The following TRAPPC9 variants were observed in gnomAD, a reference collection of about 807,000 sequenced individuals.
TRAPPC9 encodes trafficking protein particle complex subunit 9, also known as IKK2 binding protein.
In TRAPPC9, 83 loss-of-function variants were observed where a neutral mutation model predicts 124.0. The observed-to-expected ratio is 0.67, with a 90% confidence interval of 0.56 to 0.80. The LOEUF (loss-of-function observed/expected upper bound fraction) is 0.80. Ranked by LOEUF, TRAPPC9 falls within the 30% of genes least tolerant of loss-of-function variation. The pLI is 0.00. For missense variants in TRAPPC9, 1,302 were observed against 1,508.3 expected (o/e 0.86, Z 2.27); for synonymous variants, 638 against 617.5 (o/e 1.03, Z -0.49).
At chr8:140,048,228 C>T (rs1397332180) in intron 17 of TRAPPC9, among the ~76,000 whole-genome samples, 3 of 152,212 alleles carry the variant, frequency 2.0e-5, no homozygotes, top group African/African-American at 7.2e-5. Flanking sequence ...CTTCACAAGG[C>T]TGTTGTAAGG....
At chr8:140,409,514 G>A (rs1184421680) in intron 5 of TRAPPC9, among the ~76,000 whole-genome samples, 1 of 152,154 alleles carries the variant, frequency 6.6e-6, no homozygotes, top group African/African-American at 2.4e-5. Flanking sequence ...GTGATTTGCT[G>A]ATATATTATC....
intron 9 of TRAPPC9, among the ~76,000 whole-genome samples, chr8:140,354,489 C>T (rs146544797): frequency 1.2e-4 from 18 of 152,276 alleles, no homozygotes; most frequent in Middle Eastern, 3.4e-3. Context: ...GCCCTAATAA[C>T]GTATCTTGTA....
At chr8:140,134,893 C>G (rs981417594) in intron 17 of TRAPPC9, among the ~76,000 whole-genome samples, 1 of 151,974 alleles carries the variant, frequency 6.6e-6, no homozygotes, top group African/African-American at 2.4e-5. Context: ...GTCTACAGAA[C>G]GGGAGAAAAT....
At chr8:140,303,601 T>C (rs192843092) in intron 10 of TRAPPC9, among the ~76,000 whole-genome samples, 2 of 152,366 alleles carry the variant, frequency 1.3e-5, no homozygotes, top group East Asian at 3.9e-4. Context: ...GCTTGGCCAC[T>C]ACCATCTCTT....
At chr8:140,236,144 G>A (rs1020176436) in intron 16 of TRAPPC9, among the ~76,000 whole-genome samples, 3 of 147,248 alleles carry the variant, frequency 2.0e-5, no homozygotes, top group Non-Finnish European at 4.4e-5. Flanking sequence ...GTGCTGTGGC[G>A]TGATCTTGGC....
intron 7 of TRAPPC9, among the ~76,000 whole-genome samples, chr8:140,379,288 G>C (rs1035995819): frequency 1.3e-5 from 2 of 152,042 alleles, no homozygotes; most frequent in Admixed American, 1.3e-4. Context: ...GTGCTGCCTG[G>C]GGCCGGAGGA....
chr8:140,197,337 C>G (rs920956149), intron 17 of TRAPPC9, among the ~76,000 whole-genome samples: 12 of 152,208 alleles, frequency 7.9e-5, no homozygotes, highest in African/African-American at 2.2e-4. Context: ...CACACAAATC[C>G]TTTCTTCACT....
Position 140,283,991 on chromosome 8 carries a change from C to T in TRAPPC9, c.2012G>A (p.Ser671Asn). 6.2e-7 allele frequency: 1 copy of T among 1,614,150 alleles called. No homozygotes were observed. Among genetic ancestry groups the T allele is most frequent in the Non-Finnish European group, 8.5e-7 (1 of 1,180,014 alleles). Reference sequence around the variant, plus strand: ...CGGCAGGTTATCCAGCAAACAGTCACTGAACACACCGAAGACCGTGGTATG... The same window carrying T: ...CGGCAGGTTATCCAGCAAACAGTCATTGAACACACCGAAGACCGTGGTATG... ...GYHTTVFGVF[S>N]DCLLDNLPGI... The change falls in exon 14 of 23, where the codon AGT becomes AAT. Residue 671 changes from serine (S) to asparagine (N), a missense_variant. Ser to Asn is a conservative substitution (Grantham distance 46). This residue lies in a region of TRAPPC9 where 640 missense variants were observed against 679.3 expected (regional missense o/e 0.94). Coordinates refer to ENST00000438773, the MANE Select transcript of TRAPPC9 (RefSeq NM_001160372.4).
At chr8:140,272,370 G>T (rs989074446) in intron 15 of TRAPPC9, among the ~76,000 whole-genome samples, 2 of 81,464 alleles carry the variant, frequency 2.5e-5, no homozygotes, top group Non-Finnish European at 5.0e-5. Context: ...GTGGTAGTGA[G>T]GGTGGTGGTG....
At chr8:139,791,696 A>G (rs1412700921) in intron 21 of TRAPPC9, among the ~76,000 whole-genome samples, 3 of 152,204 alleles carry the variant, frequency 2.0e-5, no homozygotes, top group Non-Finnish European at 2.9e-5. Flanking sequence ...TTGGCGCTAC[A>G]GTCAAGGCAG....
chr8:139,864,293 G>A (rs984929950), intron 21 of TRAPPC9, among the ~76,000 whole-genome samples: 6 of 152,068 alleles, frequency 3.9e-5, no homozygotes, highest in African/African-American at 1.5e-4. Context: ...TTCCACGTCC[G>A]TCCTTCAATG....
intron 20 of TRAPPC9, among the ~76,000 whole-genome samples, chr8:139,901,000 A>AT (rs1830983028): frequency 4.4e-5 from 5 of 112,496 alleles, no homozygotes; most frequent in Admixed American, 4.3e-4. Flanking sequence ...AAATAAATAA[A>AT]TAAAATAAAT....
rs572209886 is a variant in TRAPPC9 at position 140,263,978 on chromosome 8, C to T, written c.2279-11049G>A. On this transcript the variant is annotated intron_variant, in intron 15 of 22. Transcript: ENST00000438773. ...AGATCAGAGGAACTGAATCCTTTCC[C>T]CCGCTCCCCAAGACACTCCACTCTA... 3.4e-4 allele frequency among the ~76,000 whole-genome samples: 52 copies of T among 152,218 alleles called. 1 individual carries two copies. The South Asian group carries it at 1.0e-2, about 29-fold the overall frequency.
At chr8:140,373,182 C>A (rs1338568737) in intron 7 of TRAPPC9, among the ~76,000 whole-genome samples, 2 of 152,236 alleles carry the variant, frequency 1.3e-5, no homozygotes, top group Non-Finnish European at 2.9e-5. Flanking sequence ...CCCCTGGGGG[C>A]CTCCATGCTA....
chr8:140,242,783 ACAGT>A (rs2063890464), intron 16 of TRAPPC9, among the ~76,000 whole-genome samples: 1 of 152,248 alleles, frequency 6.6e-6, no homozygotes, highest in African/African-American at 2.4e-5. Flanking sequence ...AGAGTCGGGA[ACAGT>A]CAGTGTGGCA....
intron 17 of TRAPPC9, among the ~76,000 whole-genome samples, chr8:140,190,704 T>C (rs1380651986): frequency 6.6e-6 from 1 of 152,186 alleles, no homozygotes; most frequent in Non-Finnish European, 1.5e-5. Flanking sequence ...TAGCTTCTTC[T>C]CCGCCATGGC....
At chr8:139,922,197 T>G (rs62526980) in intron 19 of TRAPPC9, among the ~76,000 whole-genome samples, 1 of 147,742 alleles carries the variant, frequency 6.8e-6, no homozygotes, top group African/African-American at 2.5e-5. Context: ...TTTTTTTTTT[T>G]GGATGGAGTC....
intron 21 of TRAPPC9, among the ~76,000 whole-genome samples, chr8:139,801,007 C>A (rs1364270372): frequency 6.8e-6 from 1 of 148,130 alleles, no homozygotes; most frequent in East Asian, 2.1e-4. Flanking sequence ...ACCTTCCCTC[C>A]CTCCGGCATC....
Position 140,284,050 on chromosome 8 carries a change from C to G in TRAPPC9, c.1982-29G>C, listed in dbSNP as rs780062048. ...GAATAGAAAAGGAACTTCTTCACTC[C>G]ACTGGCAAGGCTTTGGGTCTCACGC... On this transcript the variant is annotated intron_variant, in intron 13 of 22. Coordinates refer to ENST00000438773, the MANE Select transcript of TRAPPC9 (RefSeq NM_001160372.4). 15 of 1,613,408 alleles carry G rather than the reference C, an allele frequency of 9.3e-6. No homozygotes were observed. In the South Asian group the frequency reaches 1.6e-4, roughly 18 times the overall value.
Sources: allele counts gnomAD v4.1 joint callset (sites outside exome capture counted in the v4.1 genomes callset), GRCh38; gene constraint gnomAD v4.1.1; regional missense constraint gnomAD v4.1.1; transcripts MANE v1.5; gene names NCBI Gene and HGNC (gene_info 2026-07-23, HGNC 2026-07-21).